ZDHHC23: variants seen among roughly 807,000 people sequenced by gnomAD.
The protein encoded by ZDHHC23 is palmitoyltransferase ZDHHC23.
In ZDHHC23, 41 loss-of-function variants were observed where a neutral mutation model predicts 40.2. The ratio of observed to expected loss-of-function variants is 1.02; its 90% CI spans 0.79 to 1.32. ZDHHC23 has a LOEUF of 1.32. Ranked by LOEUF, ZDHHC23 falls within the 40% of genes most tolerant of loss-of-function variation. ZDHHC23 has a pLI of 0.00. For missense variants in ZDHHC23, 471 were observed against 541.5 expected (o/e 0.87, Z 1.29); for synonymous variants, 204 against 210.2 (o/e 0.97, Z 0.26).
chr3:113,956,246 C>CA (rs1291056628), intron 3 of ZDHHC23, 93 bp from the exon 4 acceptor site: 74 of 1,391,682 alleles, frequency 5.3e-5, no homozygotes, highest in East Asian at 1.6e-4. Context: ...GACTCCGTCT[C>CA]AAAAAAAATA....
chr3:113,957,212 C>A (rs191644382), intron 4 of ZDHHC23, among the ~76,000 whole-genome samples: 186 of 152,330 alleles, frequency 1.2e-3, no homozygotes, highest in Middle Eastern at 3.4e-3. Context: ...CCTTCATCAT[C>A]CTCTCTGACA....
In ZDHHC23 at chr3:113,959,312, A is replaced by G. The variant is rs184997576; in HGVS notation, c.*682A>G. The G allele has an allele frequency of 3.8e-5, 42 of 1,098,644 alleles. No homozygotes were observed. The highest frequency in any genetic ancestry group is 4.6e-5 in the Non-Finnish European group (41 of 886,494). 68.1% of individuals were successfully genotyped at this position (1,098,644 alleles called of 1,614,324 possible). A position where few individuals can be genotyped will look rare whatever the true frequency, so the allele number is the denominator to read the frequency against. ...TAGACATGAACTACTCAAACAGAGA[A>G]GATGACCAGATGGATTGATGCTAAG... On this transcript the variant is annotated 3_prime_UTR_variant, in exon 5 of 5. Coordinates refer to ENST00000638807, the MANE Select transcript of ZDHHC23 (RefSeq NM_001320466.2).
the ZDHHC23 span, chr3:113,978,509 T>C: frequency 1.7e-4 from 113 of 662,676 alleles, no homozygotes; most frequent in Non-Finnish European, 2.4e-4. Context: ...ATCCTAAAAA[T>C]GGTAAGAGAA....
intron 2 of ZDHHC23, among the ~76,000 whole-genome samples, chr3:113,949,343 C>T (rs1938444270): frequency 6.6e-6 from 1 of 152,182 alleles, no homozygotes; most frequent in Non-Finnish European, 1.5e-5. Flanking sequence ...CATTTAGAGA[C>T]TGACTACTTG....
the ZDHHC23 span, chr3:113,978,210 T>C: frequency 6.2e-7 from 1 of 1,614,072 alleles, no homozygotes; most frequent in Non-Finnish European, 8.5e-7. Flanking sequence ...CGCTGCAATC[T>C]CATGCTTGCC....
At chr3:113,958,144 A>C (rs1383724377) in intron 4 of ZDHHC23, among the ~76,000 whole-genome samples, 1 of 152,164 alleles carries the variant, frequency 6.6e-6, no homozygotes, top group Non-Finnish European at 1.5e-5. Context: ...ATTCTAGTGT[A>C]ATATACTAGA....
chr3:113,965,141 T>C, downstream of ZDHHC23: 4 of 1,556,250 alleles, frequency 2.6e-6, no homozygotes, highest in Non-Finnish European at 2.6e-6. Flanking sequence ...TCCTAAATAT[T>C]ACACTAATCT....
Position 113,961,077 on chromosome 3 carries a change from C to A in ZDHHC23, c.*2447C>A. 4.2e-6 allele frequency: 1 copy of A among 236,926 alleles called. No homozygotes were observed. Among genetic ancestry groups the A allele is most frequent in the Non-Finnish European group, 8.0e-6 (1 of 124,280 alleles). The allele number at this position is 236,926 out of a possible 1,614,324, so 14.7% of individuals were successfully genotyped here. On this transcript the variant is annotated 3_prime_UTR_variant, in exon 5 of 5. Coordinates refer to ENST00000638807, the MANE Select transcript of ZDHHC23 (RefSeq NM_001320466.2). ...GGGCCAGATGAGTTTATTGTGGAAT[C>A]TTTGAAAGGACAAGGCCTCTGTGAA...
chr3:113,967,982 T>C (rs116599487), downstream of ZDHHC23, among the ~76,000 whole-genome samples: 987 of 152,328 alleles, frequency 6.5e-3, 8 homozygotes, highest in Middle Eastern at 0.014. Flanking sequence ...TCTTTTTCAT[T>C]ACTAATATTC....
chr3:113,951,467 T>C (rs1938653545), intron 2 of ZDHHC23, among the ~76,000 whole-genome samples: 1 of 152,124 alleles, frequency 6.6e-6, no homozygotes, highest in Non-Finnish European at 1.5e-5. Flanking sequence ...CTCTATGGCA[T>C]ACCTAGGCCC....
intron 3 of ZDHHC23, among the ~76,000 whole-genome samples, chr3:113,955,375 T>C (rs1375584517): frequency 6.8e-6 from 1 of 147,222 alleles, no homozygotes; most frequent in Non-Finnish European, 1.5e-5. Flanking sequence ...TGTGTGTGTG[T>C]GTGTGTGTGT....
At chr3:113,978,078 G>A in the ZDHHC23 span, 3,476 of 1,266,964 alleles carry the variant, frequency 2.7e-3, 11 homozygotes, top group Non-Finnish European at 3.6e-3. Context: ...GTGTTTCCCC[G>A]CTCTCCTAGC....
chr3:113,957,821 A>G, intron 4 of ZDHHC23: 1 of 518,814 alleles, frequency 1.9e-6, no homozygotes, highest in South Asian at 1.4e-5. Flanking sequence ...AGGAGGGTGA[A>G]TTTGGAATGT....
intron 3 of ZDHHC23, among the ~76,000 whole-genome samples, chr3:113,954,637 G>GT (rs139751430): frequency 0.012 from 1,731 of 147,636 alleles, 33 homozygotes; most frequent in African/African-American, 0.04. Context: ...AACTTGTGGG[G>GT]TTTTTTTTTT....
intron 2 of ZDHHC23, among the ~76,000 whole-genome samples, chr3:113,952,796 A>G (rs1240755630): frequency 6.6e-6 from 1 of 152,178 alleles, no homozygotes; most frequent in Non-Finnish European, 1.5e-5. Flanking sequence ...CATAGACAGC[A>G]CCTTCTTGCT....
chr3:113,972,727 C>G, the ZDHHC23 span, among the ~76,000 whole-genome samples: 25 of 152,036 alleles, frequency 1.6e-4, no homozygotes, highest in Non-Finnish European at 2.8e-4. Context: ...GCTTTATATA[C>G]TTGGGTGCTT....
the ZDHHC23 span, chr3:113,978,151 C>T: frequency 1.2e-6 from 2 of 1,610,018 alleles, no homozygotes; most frequent in Non-Finnish European, 1.7e-6. Flanking sequence ...ATTGTGAAGT[C>T]AGAGAGTGAA....
chr3:113,951,866 G>T (rs368637013), intron 2 of ZDHHC23, among the ~76,000 whole-genome samples: 3 of 152,092 alleles, frequency 2.0e-5, no homozygotes, highest in Non-Finnish European at 4.4e-5. Flanking sequence ...GGCTGGGCGC[G>T]GTGACTCACA....
Position 113,961,073 on chromosome 3 carries a change from G to A in ZDHHC23, c.*2443G>A. On this transcript the variant is annotated 3_prime_UTR_variant, in exon 5 of 5. Transcript: ENST00000638807. ...CCAGGGGCCAGATGAGTTTATTGTG[G>A]AATCTTTGAAAGGACAAGGCCTCTG... 4.1e-6 allele frequency: 1 copy of A among 242,230 alleles called. No homozygotes were observed. The highest frequency in any genetic ancestry group is 5.3e-5 in the Admixed American group (1 of 18,726). The allele number at this position is 242,230 out of a possible 1,614,324, so 15.0% of individuals were successfully genotyped here.
Sources: allele counts gnomAD v4.1 joint callset (sites outside exome capture counted in the v4.1 genomes callset), GRCh38; gene constraint gnomAD v4.1.1; transcripts MANE v1.5; gene names NCBI Gene and HGNC (gene_info 2026-07-23, HGNC 2026-07-21).